The following XDH variants were observed in gnomAD, a reference collection of about 807,000 sequenced individuals.
XDH encodes the protein xanthine dehydrogenase.
In XDH, 138 loss-of-function variants were observed where a neutral mutation model predicts 156.1. That is an observed-to-expected ratio of 0.88 (90% CI 0.77 to 1.02). XDH has a LOEUF of 1.02. XDH is among the 50% of genes least tolerant of loss of function. The probability of loss-of-function intolerance (pLI) is 0.00; values close to 1 mark genes in which losing one functional copy is unlikely to be tolerated. For synonymous variants in XDH, 669 were observed against 625.7 expected (o/e 1.07, Z -1.03); for missense variants, 1,849 against 1,684.9 (o/e 1.10, Z -1.71).
chr2:31,335,528 G>A lies in XDH; in HGVS notation c.*430C>T. On this transcript the variant is annotated 3_prime_UTR_variant, in exon 36 of 36. Transcript: ENST00000379416. ...ATGCTTTGCTGTTCATTGGTTTGAA[G>A]GCCAGGCTTTCACAGGAAGGCACAC... 3.6e-6 allele frequency: 1 copy of A among 274,312 alleles called. No individual in the cohort carries two copies. The highest frequency in any genetic ancestry group is 9.1e-5 in the East Asian group (1 of 11,006). The allele number at this position is 274,312 out of a possible 1,614,324, so 17.0% of individuals were successfully genotyped here.
At chr2:31,337,921 G>A in intron 34 of XDH, 104 bp from the exon 35 acceptor site, 1 of 1,301,754 alleles carries the variant, frequency 7.7e-7, no homozygotes, top group Non-Finnish European at 1.1e-6. Context: ...CACGAGGAGG[G>A]CTGGTGGCAC....
chr2:31,366,938 C>T lies in XDH; in HGVS notation c.2254G>A (p.Ala752Thr). 6.2e-7 allele frequency: 1 copy of T among 1,614,238 alleles called. No individual in the cohort carries two copies. Residue 752 changes from alanine (A) to threonine (T), a missense_variant, in exon 21 of 36, where the codon GCT (alanine) becomes ACT (threonine). By Grantham distance (58) the Ala-to-Thr change is moderately conservative. Transcript: ENST00000379416. ...TCCCCTGCCTCGCCTTTTGGAACAG[C>T]AATGGTGCAGTGAGTCTCCAGGTAG... ...HFYLETHCTI[A>T]VPKGEAGEME...
Position 31,341,388 on chromosome 2 carries a change from G to C in XDH, c.3526C>G (p.Arg1176Gly). Residue 1176 changes from arginine (R) to glycine (G), a missense_variant, in exon 33 of 36, where the codon CGC (arginine) becomes GGC (glycine). Coordinates refer to ENST00000379416, the MANE Select transcript of XDH (RefSeq NM_000379.4). Reference sequence around the variant, plus strand: ...CCAACATCCATGACAATATCTGTGCGGAGGTTCTAGAGTAGACAGCAAAAT... The same window carrying C: ...CCAACATCCATGACAATATCTGTGCCGAGGTTCTAGAGTAGACAGCAAAAT... ...DCLTGDHKNL[R>G]TDIVMDVGSS... 1 of 1,576,604 alleles carries C rather than the reference G, an allele frequency of 6.3e-7. No individual in the cohort carries two copies. The highest frequency in any genetic ancestry group is 8.6e-7 in the Non-Finnish European group (1 of 1,158,306).
chr2:31,348,172 C>T lies in XDH; in HGVS notation c.3147+96G>A, dbSNP rs1362618905. The T allele has an allele frequency of 2.3e-6, 3 of 1,287,548 alleles. No individual in the cohort carries two copies. The African/African-American group carries it at 4.4e-5, about 19-fold the overall frequency. 79.8% of individuals were successfully genotyped at this position (1,287,548 alleles called of 1,614,324 possible). On this transcript the variant is annotated intron_variant, in intron 28 of 35. Transcript: ENST00000379416. ...ATAAGCAACAGGGCCAGGGCCAGAC[C>T]CCGGGCCTGCTTCTGCTCTGATAGG...
At chr2:31,391,593 G>A (rs1244882509) in intron 6 of XDH, among the ~76,000 whole-genome samples, 1 of 152,168 alleles carries the variant, frequency 6.6e-6, no homozygotes, top group Non-Finnish European at 1.5e-5. Flanking sequence ...GGGAACAACT[G>A]ACATCTTGAC....
intron 17 of XDH, among the ~76,000 whole-genome samples, chr2:31,370,715 G>A (rs1223849720): frequency 6.6e-6 from 1 of 152,174 alleles, no homozygotes; most frequent in African/African-American, 2.4e-5. Flanking sequence ...AAGTGAATAA[G>A]CCAGCCAGGC....
At chr2:31,344,829 A>C (rs1422930726) in intron 30 of XDH, 93 bp from the exon 31 acceptor site, 2 of 1,361,062 alleles carry the variant, frequency 1.5e-6, no homozygotes, top group African/African-American at 2.9e-5. Flanking sequence ...CTCCTCTGGA[A>C]GCCAATCAAC....
chr2:31,411,668 T>G (rs942653773), intron 1 of XDH, among the ~76,000 whole-genome samples: 1 of 152,220 alleles, frequency 6.6e-6, no homozygotes, highest in Non-Finnish European at 1.5e-5. Context: ...TTCATCCACT[T>G]ATTCCATCCA....
Position 31,350,079 on chromosome 2 carries a change from A to G in XDH, c.2776T>C (p.Cys926Arg). Residue 926 changes from cysteine (C) to arginine (R), a missense_variant, in exon 25 of 36, where the codon TGC (cysteine) becomes CGC (arginine). Physicochemically the swap from Cys to Arg is radical, Grantham distance 180. Transcript: ENST00000379416. ...GTCACTGCAACTTCACTCATCCAGC[A>G]CTCGGCAATGAGCATCCCCTGGGGC... ...GGPQGMLIAE[C>R]WMSEVAVTCG... The G allele has an allele frequency of 6.2e-7, 1 of 1,614,058 alleles. No homozygotes were observed. Among genetic ancestry groups the G allele is most frequent in the Non-Finnish European group, 8.5e-7 (1 of 1,180,034 alleles).
At chr2:31,344,617 T>C in intron 31 of XDH, 67 bp downstream of exon 31, 11 of 1,582,356 alleles carry the variant, frequency 7.0e-6, no homozygotes, top group Non-Finnish European at 9.6e-6. Flanking sequence ...GATTCGGTGC[T>C]GGAGTGGACC....
chr2:31,359,471 G>A (rs889454958), intron 24 of XDH, among the ~76,000 whole-genome samples: 1 of 151,820 alleles, frequency 6.6e-6, no homozygotes, highest in Non-Finnish European at 1.5e-5. Context: ...AGGTCCAAGG[G>A]CATAATATCA....
Position 31,338,714 on chromosome 2 carries a change from CTTTTTTTT to C in XDH, c.3774+767_3774+774del, listed in dbSNP as rs57389753. Among the ~76,000 whole-genome samples the C allele has an allele frequency of 5.6e-4, 35 of 62,172 alleles. No individual in the cohort carries two copies. In the South Asian group the frequency reaches 0.028, roughly 50 times the overall value. The allele number at this position is 62,172 out of a possible 152,430, so 40.8% of individuals were successfully genotyped here. The stretch of plus-strand genomic sequence containing the variant: ...CAATCCTCCAGGCATCTGACCAAGT[CTTTTTTTT>C]TTTTTTTTTTTTTTTTTTTGAGACA... On this transcript the variant is annotated intron_variant, in intron 34 of 35. Transcript: ENST00000379416.
At position 31,346,814 on chromosome 2, in the gene XDH, C is replaced by T. The variant is rs1685308754; in HGVS notation, c.3306G>A (p.Leu1102=). 1 of 1,614,060 alleles carries T rather than the reference C, an allele frequency of 6.2e-7. No homozygotes were observed. The highest frequency in any genetic ancestry group is 8.5e-7 in the Non-Finnish European group (1 of 1,180,010). Residue 1102 remains leucine (L), a synonymous_variant, in exon 30 of 36, where the codon CTG becomes CTA. Coordinates refer to ENST00000379416, the MANE Select transcript of XDH (RefSeq NM_000379.4). ...YAACQTILKR[L]EPYKKKNPSG... is the part of the protein sequence containing the mutation. ...TGGGATTCTTCTTCTTGTAGGGTTC[C>T]AGCCTTTTCAAGATGGTCTGACAAG...
chr2:31,396,215 G>A (rs1156395645), intron 6 of XDH, among the ~76,000 whole-genome samples: 2 of 152,206 alleles, frequency 1.3e-5, no homozygotes, highest in Non-Finnish European at 2.9e-5. Flanking sequence ...TAGCTGAATT[G>A]AGGGAGGTAA....
intron 1 of XDH, 114 bp from the exon 2 acceptor site, chr2:31,406,078 G>T: frequency 8.2e-7 from 1 of 1,214,426 alleles, no homozygotes; most frequent in Non-Finnish European, 1.2e-6. Flanking sequence ...TAGGAAGTGT[G>T]ATATAGTTTG....
At chr2:31,363,610 A>G (rs899944146) in intron 24 of XDH, among the ~76,000 whole-genome samples, 2 of 152,198 alleles carry the variant, frequency 1.3e-5, no homozygotes, top group Admixed American at 6.5e-5. Context: ...ACTTTATGGT[A>G]TGTAAATTAT....
intron 19 of XDH, among the ~76,000 whole-genome samples, chr2:31,368,327 G>A (rs1356727660): frequency 6.6e-6 from 1 of 152,158 alleles, no homozygotes; most frequent in African/African-American, 2.4e-5. Flanking sequence ...TTTTGAGAAG[G>A]AGGAACTCAG....
intron 24 of XDH, among the ~76,000 whole-genome samples, chr2:31,360,641 T>C (rs1374605923): frequency 1.3e-5 from 2 of 152,242 alleles, no homozygotes; most frequent in Non-Finnish European, 2.9e-5. Flanking sequence ...CTTAGCCGCT[T>C]AGTCCCGCCT....
chr2:31,356,075 C>T (rs1685614814), intron 24 of XDH, among the ~76,000 whole-genome samples: 1 of 152,082 alleles, frequency 6.6e-6, no homozygotes, highest in Non-Finnish European at 1.5e-5. Flanking sequence ...CAAAAGACAG[C>T]AATACTAATT....
Sources: gnomAD v4.1 joint callset for allele counts (sites outside exome capture counted in the v4.1 genomes callset) on GRCh38, gnomAD v4.1.1 for gene constraint, MANE v1.5 for transcripts, NCBI Gene and HGNC (gene_info 2026-07-23, HGNC 2026-07-21) for gene names.